Variants in MAPKAP1 observed in about 807,000 individuals in gnomAD.
MAPKAP1 encodes the protein MAPK associated protein 1.
A neutral mutation model predicts 65.7 loss-of-function variants in MAPKAP1; 20 were observed. The ratio of observed to expected loss-of-function variants is 0.30; its 90% CI spans 0.21 to 0.44. MAPKAP1 has a LOEUF of 0.44. Ranked by LOEUF, MAPKAP1 falls within the 20% of genes least tolerant of loss-of-function variation. The pLI is 1.00. For missense variants in MAPKAP1, 423 were observed against 648.0 expected (o/e 0.65, Z 3.77); for synonymous variants, 222 against 244.3 (o/e 0.91, Z 0.85).
In MAPKAP1 at chr9:125,667,380, C is replaced by T. The variant is rs10117298; in HGVS notation, c.349+2438G>A. 7.5e-3 allele frequency among the ~76,000 whole-genome samples: 1,142 copies of T among 152,282 alleles called. 13 individuals carry two copies. The highest frequency in any genetic ancestry group is 0.025 in the African/African-American group (1,021 of 41,562). ...TGTTGCCCAGACTGAAGTGCACTGG[C>T]GCGATTTTAGCTCCCTGCAACCTCT... On this transcript the variant is annotated intron_variant, in intron 3 of 11. Transcript: ENST00000265960.
chr9:125,519,183 T>C (rs1829547343), intron 7 of MAPKAP1, among the ~76,000 whole-genome samples: 1 of 151,958 alleles, frequency 6.6e-6, no homozygotes, highest in South Asian at 2.1e-4. Context: ...ACCTAAACAG[T>C]TGAGGAGCCA....
intron 7 of MAPKAP1, among the ~76,000 whole-genome samples, chr9:125,527,298 C>T (rs1829800916): frequency 6.6e-6 from 1 of 152,058 alleles, no homozygotes; most frequent in African/African-American, 2.4e-5. Context: ...GAACTCCTGA[C>T]CTCCTGATCC....
chr9:125,635,397 T>C (rs1331345356), intron 4 of MAPKAP1, among the ~76,000 whole-genome samples: 2 of 152,220 alleles, frequency 1.3e-5, no homozygotes, highest in East Asian at 1.9e-4. Context: ...TTTTCTTTCT[T>C]AGCTCCCCAG....
intron 4 of MAPKAP1, among the ~76,000 whole-genome samples, chr9:125,633,550 A>C (rs539365301): frequency 6.6e-6 from 1 of 152,324 alleles, no homozygotes; most frequent in South Asian, 2.1e-4. Context: ...ATCCACCACC[A>C]GGATTATGTG....
chr9:125,471,645 G>A (rs1253791746), intron 9 of MAPKAP1: 1 of 152,284 alleles, frequency 6.6e-6, no homozygotes, highest in Non-Finnish European at 1.5e-5. Flanking sequence ...GGGAGTGAGT[G>A]GGTTGTGGGC....
chr9:125,590,994 G>A (rs928881679), intron 4 of MAPKAP1, among the ~76,000 whole-genome samples: 2 of 152,076 alleles, frequency 1.3e-5, no homozygotes, highest in Non-Finnish European at 2.9e-5. Flanking sequence ...GGCTGGTCTC[G>A]AACTCCTGAC....
At chr9:125,684,911 C>T (rs543647223) in intron 1 of MAPKAP1, among the ~76,000 whole-genome samples, 2 of 152,232 alleles carry the variant, frequency 1.3e-5, no homozygotes, top group East Asian at 1.9e-4. Flanking sequence ...TGGATTCCAG[C>T]GATCCTCCCC....
intron 1 of MAPKAP1, among the ~76,000 whole-genome samples, chr9:125,674,332 C>T (rs1834583400): frequency 6.6e-6 from 1 of 152,296 alleles, no homozygotes; most frequent in East Asian, 1.9e-4. Context: ...TAAAATATGT[C>T]AATATCCCAT....
chr9:125,589,273 T>G (rs1831882272), intron 4 of MAPKAP1, among the ~76,000 whole-genome samples: 1 of 152,224 alleles, frequency 6.6e-6, no homozygotes. Context: ...TCAGAGCGCT[T>G]AACAATTGAG....
intron 5 of MAPKAP1, among the ~76,000 whole-genome samples, chr9:125,566,460 G>C (rs1255983721): frequency 2.0e-5 from 3 of 152,140 alleles, no homozygotes; most frequent in African/African-American, 7.2e-5. Context: ...AGCTACTTAG[G>C]AGGTGAAGTG....
intron 8 of MAPKAP1, among the ~76,000 whole-genome samples, chr9:125,503,596 G>A (rs1829047661): frequency 6.6e-6 from 1 of 151,962 alleles, no homozygotes; most frequent in South Asian, 2.1e-4. Flanking sequence ...TCCAATATAG[G>A]GATATAAGTT....
intron 5 of MAPKAP1, among the ~76,000 whole-genome samples, chr9:125,577,992 G>C (rs942938961): frequency 2.6e-5 from 4 of 151,952 alleles, no homozygotes; most frequent in African/African-American, 9.7e-5. Flanking sequence ...AATAGAAAGG[G>C]GGGAAAGGTG....
At position 125,447,296 on chromosome 9, in the gene MAPKAP1, T is replaced by A; in HGVS notation, c.1346-2698A>T. The A allele has an allele frequency of 2.4e-6, 1 of 417,160 alleles. No individual in the cohort carries two copies. The highest frequency in any genetic ancestry group is 1.7e-5 in the South Asian group (1 of 57,786). The allele number at this position is 417,160 out of a possible 1,614,324, so 25.8% of individuals were successfully genotyped here. On this transcript the variant is annotated intron_variant, in intron 10 of 11. Coordinates refer to ENST00000265960, the MANE Select transcript of MAPKAP1 (RefSeq NM_001006617.3). The surrounding 1 kb of genome is among the most constrained non-coding windows in gnomAD (Gnocchi z 4.5). ...CCCACTCTCCCTCAAGCCTCCGGTCTGTTTGTCCTTTCCAGTGAAAGCACT... is the reference window on the plus strand; with the variant it reads ...CCCACTCTCCCTCAAGCCTCCGGTCAGTTTGTCCTTTCCAGTGAAAGCACT...
At chr9:125,617,661 A>ATC (rs1405607549) in intron 4 of MAPKAP1, among the ~76,000 whole-genome samples, 2 of 152,210 alleles carry the variant, frequency 1.3e-5, no homozygotes, top group Admixed American at 1.3e-4. Flanking sequence ...ATATGGGTGA[A>ATC]TCTATGGGAC....
At chr9:125,504,494 A>C (rs930918275) in intron 8 of MAPKAP1, among the ~76,000 whole-genome samples, 1 of 152,130 alleles carries the variant, frequency 6.6e-6, no homozygotes, top group African/African-American at 2.4e-5. Flanking sequence ...GTAGCATCCT[A>C]GGCCGGTGTG....
chr9:125,462,808 A>C (rs941940678), intron 10 of MAPKAP1, among the ~76,000 whole-genome samples: 6 of 152,202 alleles, frequency 3.9e-5, no homozygotes, highest in Non-Finnish European at 8.8e-5. Flanking sequence ...TTAACTGAAA[A>C]CTACACACAA....
chr9:125,494,084 G>C (rs984650102), intron 8 of MAPKAP1, among the ~76,000 whole-genome samples: 32 of 152,142 alleles, frequency 2.1e-4, no homozygotes, highest in Non-Finnish European at 4.6e-4. Flanking sequence ...CACTCCCTCG[G>C]TAAGACTTAA....
At chr9:125,602,200 C>A (rs1393720516) in intron 4 of MAPKAP1, among the ~76,000 whole-genome samples, 1 of 152,126 alleles carries the variant, frequency 6.6e-6, no homozygotes, top group Non-Finnish European at 1.5e-5. Flanking sequence ...CTACAATGAG[C>A]CGTGATCACA....
intron 5 of MAPKAP1, among the ~76,000 whole-genome samples, chr9:125,569,444 C>T (rs375228854): frequency 3.3e-4 from 50 of 152,270 alleles, no homozygotes; most frequent in Admixed American, 1.8e-3. Context: ...TTAATATCTG[C>T]GTGACCTTGT....
Sources: allele counts gnomAD v4.1 joint callset (sites outside exome capture counted in the v4.1 genomes callset), GRCh38; gene constraint gnomAD v4.1.1; non-coding constraint Gnocchi (gnomAD v3.1); transcripts MANE v1.5; gene names NCBI Gene and HGNC (gene_info 2026-07-23, HGNC 2026-07-21).